Variants in KLHL32 observed in about 807,000 individuals in gnomAD.
KLHL32 encodes the protein kelch-like protein 32.
Under a neutral mutation model 64.8 loss-of-function variants are expected in KLHL32, and 35 were observed. The ratio of observed to expected loss-of-function variants is 0.54; its 90% CI spans 0.41 to 0.72. The LOEUF (loss-of-function observed/expected upper bound fraction) is 0.72. Ranked by LOEUF, KLHL32 falls within the 30% of genes least tolerant of loss-of-function variation. KLHL32 has a pLI of 0.00. For synonymous variants in KLHL32, 259 were observed against 281.0 expected, an observed-to-expected ratio of 0.92 and a Z score of 0.78; for missense variants, 589 against 768.5, an observed-to-expected ratio of 0.77 and a Z score of 2.76.
intron 1 of KLHL32, among the ~76,000 whole-genome samples, chr6:96,928,598 G>A (rs1769464000): frequency 6.6e-6 from 1 of 152,162 alleles, no homozygotes; most frequent in Admixed American, 6.5e-5. Flanking sequence ...TCTATACAGA[G>A]ACTGGCACAC....
chr6:96,962,100 A>G (rs1167256700), intron 1 of KLHL32, among the ~76,000 whole-genome samples: 13 of 152,224 alleles, frequency 8.5e-5, no homozygotes. Flanking sequence ...CTAGCCAGCT[A>G]GTTTGGAAGG....
At chr6:96,964,247 C>T (rs568827161) in intron 1 of KLHL32, among the ~76,000 whole-genome samples, 65 of 152,112 alleles carry the variant, frequency 4.3e-4, no homozygotes, top group African/African-American at 1.5e-3. Context: ...AATCCATGTG[C>T]GAGGCATGGG....
rs1316537366 is a variant in KLHL32, at chr6:97,139,421, A to C, written c.*139A>C. 19 of 700,162 alleles carry C rather than the reference A, an allele frequency of 2.7e-5. No individual in the cohort carries two copies. Among genetic ancestry groups the C allele is most frequent in the Non-Finnish European group, 4.2e-5 (18 of 430,246 alleles). The allele number at this position is 700,162 out of a possible 1,614,324, so 43.4% of individuals were successfully genotyped here. ...GATAAATTTAAGCAAAAAATGAACA[A>C]TTTTCTAAAATACGTTATTGAAAAC... On this transcript the variant is annotated 3_prime_UTR_variant, in exon 11 of 11. Coordinates refer to ENST00000369261, the MANE Select transcript of KLHL32 (RefSeq NM_052904.4).
chr6:96,937,043 T>A (rs1397996166), intron 1 of KLHL32, among the ~76,000 whole-genome samples: 3 of 151,796 alleles, frequency 2.0e-5, no homozygotes, highest in African/African-American at 7.3e-5. Flanking sequence ...TCCCCACAGC[T>A]CTTATCGATT....
rs111580800 is a variant in KLHL32, at chr6:96,931,457, T to A, written c.-66+6431T>A. 2.1e-3 allele frequency among the ~76,000 whole-genome samples: 315 copies of A among 152,350 alleles called. 2 individuals are homozygous for A. Among genetic ancestry groups the A allele is most frequent in the African/African-American group, 7.4e-3 (307 of 41,578 alleles). ...CAGTATATTGTAGGATCCCATAGAC[T>A]GAGCTAAGCTTTGTTTTCATCATAC... On this transcript the variant is annotated intron_variant, in intron 1 of 10. Transcript: ENST00000369261.
At chr6:96,984,768 C>G (rs1318754681) in intron 3 of KLHL32, among the ~76,000 whole-genome samples, 2 of 152,166 alleles carry the variant, frequency 1.3e-5, no homozygotes, top group Admixed American at 1.3e-4. Context: ...ATGTGTGTCT[C>G]TGCACGTGAG....
At chr6:97,014,432 G>A (rs1363616601) in intron 3 of KLHL32, among the ~76,000 whole-genome samples, 1 of 151,716 alleles carries the variant, frequency 6.6e-6, no homozygotes, top group East Asian at 1.9e-4. Flanking sequence ...TTATAAATAT[G>A]TAAATATTAG....
chr6:97,050,869 G>T (rs533749073), intron 4 of KLHL32, among the ~76,000 whole-genome samples: 1 of 152,010 alleles, frequency 6.6e-6, no homozygotes, highest in Non-Finnish European at 1.5e-5. Context: ...CAGGTGTGGC[G>T]GTGGACATCT....
At chr6:97,023,488 G>A (rs911310180) in intron 3 of KLHL32, among the ~76,000 whole-genome samples, 2 of 152,120 alleles carry the variant, frequency 1.3e-5, no homozygotes, top group Non-Finnish European at 2.9e-5. Context: ...CTGCTGTGGG[G>A]GTGGGAAACA....
intron 3 of KLHL32, among the ~76,000 whole-genome samples, chr6:97,037,085 T>C (rs571978923): frequency 2.0e-5 from 3 of 152,246 alleles, no homozygotes; most frequent in Non-Finnish European, 4.4e-5. Flanking sequence ...TCAAATATAA[T>C]TGAATATATT....
At chr6:97,014,989 C>T (rs928634634) in intron 3 of KLHL32, among the ~76,000 whole-genome samples, 2 of 152,130 alleles carry the variant, frequency 1.3e-5, no homozygotes, top group Admixed American at 6.6e-5. Context: ...ATGGTGTTCT[C>T]ATTGTAGTGA....
chr6:97,040,896 G>GCTTCGCCTTCACCTTCGC (rs1554223013), intron 3 of KLHL32, among the ~76,000 whole-genome samples: 1 of 152,110 alleles, frequency 6.6e-6, no homozygotes, highest in African/African-American at 2.4e-5. Flanking sequence ...AAGGTGCCTT[G>GCTTCGCCTTCACCTTCGC]CTTCGCCTTC....
rs575958855 is a variant in KLHL32, at chr6:97,001,609, A to G, written c.204+25432A>G. The stretch of plus-strand genomic sequence containing the variant: ...CAGCCTCACGAGTAGTTGAGACCAC[A>G]GGCATGTGCCACCACACTTGGCTAA... On this transcript the variant is annotated intron_variant, in intron 3 of 10. Transcript: ENST00000369261. Among the ~76,000 whole-genome samples, 3 of 152,316 alleles carry G rather than the reference A, an allele frequency of 2.0e-5. No individual in the cohort carries two copies. In the East Asian group the frequency reaches 5.8e-4, roughly 29 times the overall value.
intron 6 of KLHL32, among the ~76,000 whole-genome samples, chr6:97,102,176 C>T (rs2128197689): frequency 6.6e-6 from 1 of 151,646 alleles, no homozygotes; most frequent in East Asian, 1.9e-4. Context: ...CTTTTGACAT[C>T]AAGTCCTGTA....
chr6:97,095,527 C>T (rs965315964), intron 6 of KLHL32, among the ~76,000 whole-genome samples: 9 of 152,180 alleles, frequency 5.9e-5, no homozygotes, highest in African/African-American at 2.2e-4. Context: ...CGTCTTCATG[C>T]TCTGTGAAAC....
At chr6:96,967,189 G>T in intron 2 of KLHL32, 106 bp downstream of exon 2, 1 of 959,770 alleles carries the variant, frequency 1.0e-6, no homozygotes, top group Non-Finnish European at 1.6e-6. Flanking sequence ...CATATTTGAA[G>T]GAATCATCAA....
At chr6:97,123,657 G>A (rs948575722) in intron 7 of KLHL32, among the ~76,000 whole-genome samples, 1 of 152,146 alleles carries the variant, frequency 6.6e-6, no homozygotes, top group Non-Finnish European at 1.5e-5. Flanking sequence ...AATGACAGAT[G>A]TATCTATAGA....
chr6:97,025,638 A>C (rs1782616311), intron 3 of KLHL32, among the ~76,000 whole-genome samples: 1 of 152,126 alleles, frequency 6.6e-6, no homozygotes, highest in Non-Finnish European at 1.5e-5. Flanking sequence ...TGAAGGGCCT[A>C]CCAGTTTCCC....
At chr6:97,027,669 C>G (rs1211648223) in intron 3 of KLHL32, among the ~76,000 whole-genome samples, 1 of 152,176 alleles carries the variant, frequency 6.6e-6, no homozygotes, top group East Asian at 1.9e-4. Flanking sequence ...AGACCATGTC[C>G]TTGAATCCAC....
Sources: allele counts gnomAD v4.1 joint callset (sites outside exome capture counted in the v4.1 genomes callset), GRCh38; gene constraint gnomAD v4.1.1; transcripts MANE v1.5; gene names NCBI Gene and HGNC (gene_info 2026-07-23, HGNC 2026-07-21).